The following CDC20B variants were observed in gnomAD, a reference collection of about 807,000 sequenced individuals.
The protein encoded by CDC20B is cell division cycle 20B, also known as cell division cycle protein 20 homolog B.
Under a neutral mutation model 64.1 loss-of-function variants are expected in CDC20B, and 58 were observed. That is an observed-to-expected ratio of 0.90 (90% CI 0.73 to 1.13). The LOEUF (loss-of-function observed/expected upper bound fraction) is 1.13, where lower values mean the gene tolerates loss of function less well. Among genes scored for constraint, CDC20B ranks in the 50% most tolerant of loss-of-function variants. CDC20B has a pLI of 0.00. For synonymous variants in CDC20B, 243 were observed against 230.6 expected, an observed-to-expected ratio of 1.05 and a Z score of -0.49; for missense variants, 597 against 633.0, an observed-to-expected ratio of 0.94 and a Z score of 0.61.
intron 2 of CDC20B, chr5:55,164,390 G>A: frequency 5.0e-6 from 2 of 398,546 alleles, no homozygotes; most frequent in Non-Finnish European, 8.7e-6. Flanking sequence ...TATTAAATGT[G>A]GCAATGAAGG....
At chr5:55,127,071 C>A (rs1742910387) in intron 8 of CDC20B, among the ~76,000 whole-genome samples, 186 bp downstream of exon 8, 1 of 152,090 alleles carries the variant, frequency 6.6e-6, no homozygotes, top group South Asian at 2.1e-4. Flanking sequence ...ATGTGGCCAC[C>A]AAGACACTTA....
At chr5:55,131,734 A>T (rs1743034137) in intron 6 of CDC20B, among the ~76,000 whole-genome samples, 1 of 152,196 alleles carries the variant, frequency 6.6e-6, no homozygotes, top group Non-Finnish European at 1.5e-5. Flanking sequence ...AAGTATAAAG[A>T]TCTTTTGAAA....
intron 2 of CDC20B, chr5:55,164,886 G>A (rs1034074654): frequency 3.3e-5 from 5 of 152,112 alleles, no homozygotes; most frequent in East Asian, 1.9e-4. Flanking sequence ...ATAAATGACC[G>A]TATTATAACA....
At position 55,137,731 on chromosome 5, in the gene CDC20B, C is replaced by T. The variant is rs546525694; in HGVS notation, c.580+2583G>A. The T allele has an allele frequency of 4.4e-5, 20 of 453,726 alleles. No homozygotes were observed. In the East Asian group the frequency reaches 8.3e-4, roughly 19 times the overall value. 28.1% of individuals were successfully genotyped at this position (453,726 alleles called of 1,614,324 possible). ...CTGCCTCCTATTTTCAACCTAAGTA[C>T]AGCAAATGACTTTTTTAAGGGGTGA... On this transcript the variant is annotated intron_variant, in intron 5 of 11. Transcript: ENST00000381375.
At chr5:55,140,783 C>G (rs1475214842) in intron 4 of CDC20B, among the ~76,000 whole-genome samples, 2 of 152,102 alleles carry the variant, frequency 1.3e-5, no homozygotes, top group East Asian at 3.9e-4. Context: ...TTTTTGTTAA[C>G]ACCTTCACAG....
chr5:55,160,098 G>A (rs377409024), intron 2 of CDC20B: 6 of 865,020 alleles, frequency 6.9e-6, no homozygotes, highest in Non-Finnish European at 1.2e-5. Context: ...CAGTCAGCCT[G>A]TCCTTCCTGG....
Position 55,143,647 on chromosome 5 carries a change from CAAGA to C in CDC20B, c.356-8_356-5del, listed in dbSNP as rs578175738. On this transcript the variant is annotated splice_polypyrimidine_tract_variant and splice_region_variant and intron_variant, in intron 3 of 11. Transcript: ENST00000381375. The stretch of plus-strand genomic sequence containing the variant: ...TTCAGTTGTTCTTTGCGGGATCCTA[CAAGA>C]AAGACATTTATCTTTGAATTTGGTT... 293 of 1,573,424 alleles carry C rather than the reference CAAGA, an allele frequency of 1.9e-4. No homozygotes were observed. In the African/African-American group the frequency reaches 3.5e-3, roughly 19 times the overall value.
intron 4 of CDC20B, 141 bp from the exon 5 acceptor site, chr5:55,140,548 A>C: frequency 1.8e-6 from 1 of 559,054 alleles, no homozygotes; most frequent in East Asian, 3.1e-5. Context: ...ACACCACAAT[A>C]ATCGCTATTA....
Position 55,120,517 on chromosome 5 carries a change from G to A in CDC20B, c.1249C>T (p.Leu417Phe). ...MDWCPWQSGV[L>F]AIGGGMKDGR... Reference sequence around the variant, plus strand: ...TCCTTCATTCCTCCTCCAATGGCAAGGACCCCAGACTGCCAGGGACACCAA... The same window carrying A: ...TCCTTCATTCCTCCTCCAATGGCAAAGACCCCAGACTGCCAGGGACACCAA... Residue 417 changes from leucine (L) to phenylalanine (F), a missense_variant, in exon 10 of 12, where the codon CTT (leucine) becomes TTT (phenylalanine). By Grantham distance (22) the Leu-to-Phe change is conservative. Transcript: ENST00000381375. 1 of 1,613,654 alleles carries A rather than the reference G, an allele frequency of 6.2e-7. No individual in the cohort carries two copies. Among genetic ancestry groups the A allele is most frequent in the Non-Finnish European group, 8.5e-7 (1 of 1,179,714 alleles).
At chr5:55,159,373 T>A (rs537084281) in intron 2 of CDC20B, among the ~76,000 whole-genome samples, 12 of 152,186 alleles carry the variant, frequency 7.9e-5, no homozygotes, top group Non-Finnish European at 1.8e-4. Flanking sequence ...ATCATTTTGA[T>A]AGGTCAGAAC....
intron 2 of CDC20B, chr5:55,170,602 C>G (rs755430105): frequency 1.9e-6 from 1 of 534,812 alleles, no homozygotes; most frequent in South Asian, 1.4e-5. Flanking sequence ...TAACAATACA[C>G]TGCCAGCTCA....
chr5:55,137,517 G>A (rs150733135), intron 5 of CDC20B: 3 of 456,546 alleles, frequency 6.6e-6, no homozygotes, highest in African/African-American at 6.0e-5. Flanking sequence ...CATAGTTTAA[G>A]TTCCCTTAAA....
intron 1 of CDC20B, 89 bp downstream of exon 1, chr5:55,172,849 C>T (rs1744650455): frequency 2.3e-6 from 3 of 1,298,660 alleles, no homozygotes; most frequent in Non-Finnish European, 3.2e-6. Flanking sequence ...AGTTTCGTAC[C>T]ACCTCTTGGT....
chr5:55,164,480 G>A, intron 2 of CDC20B: 1 of 243,082 alleles, frequency 4.1e-6, no homozygotes, highest in Non-Finnish European at 7.8e-6. Context: ...CAAAAATCAA[G>A]AGTAGCCAAA....
intron 11 of CDC20B, among the ~76,000 whole-genome samples, chr5:55,118,792 G>C (rs1483584538): frequency 6.6e-6 from 1 of 152,182 alleles, no homozygotes; most frequent in East Asian, 1.9e-4. Context: ...TTCTGAGGCT[G>C]AGGTCCAGTC....
rs775801096 is a variant in CDC20B, at chr5:55,124,990, C to T, written c.1028G>A (p.Arg343Gln). 16 of 1,613,804 alleles carry T rather than the reference C, an allele frequency of 9.9e-6. No individual in the cohort carries two copies. The highest frequency in any genetic ancestry group is 9.9e-5 in the South Asian group (9 of 91,072). The change falls in exon 9 of 12, where the codon CGG becomes CAG. Residue 343 changes from arginine to glutamine, a missense_variant. Arg to Gln is a conservative substitution (Grantham distance 43). Around this residue, in one of 3 missense-constraint regions of CDC20B, gnomAD observed 353 missense variants for 397.0 expected, o/e 0.89. Transcript: ENST00000381375. ...TGTTCCAACATGATGCTGGGCTACC[C>T]GAACATCGTGATGATAAACACGCCC... Reference protein sequence around the residue: ...RLGRVYHHDVRVAQHHVGTLR... With the variant: ...RLGRVYHHDVQVAQHHVGTLR...
At chr5:55,143,768 A>G (rs1580352338) in intron 3 of CDC20B, 125 bp from the exon 4 acceptor site, 3 of 901,146 alleles carry the variant, frequency 3.3e-6, no homozygotes, top group African/African-American at 1.7e-5. Flanking sequence ...TCGTCACTCC[A>G]AAGTCCATTG....
rs1743211333 is a variant in CDC20B at position 55,137,448 on chromosome 5, T to C, written c.580+2866A>G. 4 of 431,072 alleles carry C rather than the reference T, an allele frequency of 9.3e-6. No homozygotes were observed. In the Admixed American group the frequency reaches 9.9e-5, roughly 11 times the overall value. 26.7% of individuals were successfully genotyped at this position (431,072 alleles called of 1,614,324 possible). Reference sequence around the variant, plus strand: ...TTGCTTTATATACACAGCATTTGGATAACATTTGTCCCCGTGATCCACTGA... The same window carrying C: ...TTGCTTTATATACACAGCATTTGGACAACATTTGTCCCCGTGATCCACTGA... On this transcript the variant is annotated intron_variant, in intron 5 of 11. Coordinates refer to ENST00000381375, the MANE Select transcript of CDC20B (RefSeq NM_001170402.1).
In CDC20B at chr5:55,145,971, C is replaced by A. The variant is rs180793642; in HGVS notation, c.355+657G>T. Among the ~76,000 whole-genome samples, 541 of 152,126 alleles carry A rather than the reference C, an allele frequency of 3.6e-3. 6 individuals carry two copies. Among genetic ancestry groups the A allele is most frequent in the African/African-American group, 0.012 (516 of 41,482 alleles). On this transcript the variant is annotated intron_variant, in intron 3 of 11. Transcript: ENST00000381375. ...CCAGTCATTAAAATTCTATACTTTG[C>A]AAAACAAAAGCACATATATATGTGT... is the stretch of plus-strand genomic sequence containing the variant.
Sources: allele counts gnomAD v4.1 joint callset (sites outside exome capture counted in the v4.1 genomes callset), GRCh38; gene constraint gnomAD v4.1.1; regional missense constraint gnomAD v4.1.1; transcripts MANE v1.5; gene names NCBI Gene and HGNC (gene_info 2026-07-23, HGNC 2026-07-21).